The following ROBO2 variants were observed in gnomAD, a reference collection of about 807,000 sequenced individuals.
ROBO2 encodes roundabout homolog 2.
In ROBO2, 53 loss-of-function variants were observed where a neutral mutation model predicts 160.8. The observed-to-expected ratio is 0.33, with a 90% CI of 0.26 to 0.41. ROBO2 has a LOEUF of 0.41. Ranked by LOEUF, ROBO2 falls within the 10% of genes least tolerant of loss-of-function variation. The pLI, the probability that ROBO2 is intolerant of heterozygous loss-of-function variation, is 1.00. For missense variants in ROBO2, 1,577 were observed against 1,722.4 expected, an observed-to-expected ratio of 0.92 and a Z score of 1.49; for synonymous variants, 664 against 611.7, an observed-to-expected ratio of 1.09 and a Z score of -1.26.
At chr3:77,022,093 G>C (rs2062672047) in intron 2 of ROBO2, among the ~76,000 whole-genome samples, 1 of 152,256 alleles carries the variant, frequency 6.6e-6, no homozygotes, top group South Asian at 2.1e-4. Flanking sequence ...AAACAGACCA[G>C]GCATGGTGGC....
intron 2 of ROBO2, among the ~76,000 whole-genome samples, chr3:76,544,541 G>T (rs916983077): frequency 2.0e-4 from 30 of 151,774 alleles, no homozygotes; most frequent in Non-Finnish European, 2.5e-4. Context: ...TGCATCTATC[G>T]CTACACTTAT....
intron 2 of ROBO2, among the ~76,000 whole-genome samples, chr3:76,869,595 C>T (rs996091841): frequency 2.6e-5 from 4 of 151,896 alleles, no homozygotes; most frequent in South Asian, 2.1e-4. Flanking sequence ...GTGATCCGCC[C>T]GCCTCGGCCT....
intron 2 of ROBO2, among the ~76,000 whole-genome samples, chr3:76,063,514 TA>T (rs1187627584): frequency 1.1e-4 from 16 of 151,514 alleles, no homozygotes; most frequent in African/African-American, 3.9e-4. Context: ...TGACCAATTT[TA>T]TTTTTTTTTT....
At chr3:77,459,745 AT>A (rs1048616643) in intron 2 of ROBO2, among the ~76,000 whole-genome samples, 55 of 152,084 alleles carry the variant, frequency 3.6e-4, no homozygotes, top group African/African-American at 1.3e-3. Flanking sequence ...GAGAATAACA[AT>A]TCACAGGCCA....
At chr3:77,216,224 G>A (rs1325482590) in intron 2 of ROBO2, among the ~76,000 whole-genome samples, 3 of 152,226 alleles carry the variant, frequency 2.0e-5, no homozygotes, top group East Asian at 1.9e-4. Context: ...TGGGCTCCAC[G>A]CAGTTCGAAC....
At chr3:76,419,379 A>G (rs1212493062) in intron 2 of ROBO2, among the ~76,000 whole-genome samples, 1 of 152,206 alleles carries the variant, frequency 6.6e-6, no homozygotes, top group East Asian at 1.9e-4. Flanking sequence ...GTACACATGT[A>G]AATTAGATAA....
At chr3:76,416,280 T>C (rs1046142543) in intron 2 of ROBO2, among the ~76,000 whole-genome samples, 2 of 152,318 alleles carry the variant, frequency 1.3e-5, no homozygotes, top group South Asian at 2.1e-4. Context: ...CTTTGGCATG[T>C]TAGTTTTGTG....
At chr3:75,958,746 C>A (rs1948804171) in intron 2 of ROBO2, among the ~76,000 whole-genome samples, 1 of 151,712 alleles carries the variant, frequency 6.6e-6, no homozygotes, top group Admixed American at 6.6e-5. Context: ...ATCTTCATTA[C>A]AAATTCTTAT....
chr3:76,524,826 TAAAAAAAAAAAAA>T (rs58091252), intron 2 of ROBO2, among the ~76,000 whole-genome samples: 1,379 of 21,506 alleles, frequency 0.064, 11 homozygotes, highest in African/African-American at 0.19. Flanking sequence ...CTCTTATTCC[TAAAAAAAAAAAAA>T]AAAAAAAAAA....
chr3:76,647,438 T>C (rs1433865609), intron 2 of ROBO2, among the ~76,000 whole-genome samples: 1 of 152,090 alleles, frequency 6.6e-6, no homozygotes, highest in African/African-American at 2.4e-5. Context: ...AGTTCAAACG[T>C]CACAAAGCCG....
At chr3:77,383,931 G>T (rs1324223472) in intron 2 of ROBO2, among the ~76,000 whole-genome samples, 1 of 152,102 alleles carries the variant, frequency 6.6e-6, no homozygotes, top group African/African-American at 2.4e-5. Context: ...TGTGTTTAAG[G>T]AGGGAAGAGA....
At chr3:77,294,845 G>A (rs1166702354) in intron 2 of ROBO2, among the ~76,000 whole-genome samples, 4 of 150,984 alleles carry the variant, frequency 2.6e-5, no homozygotes, top group Non-Finnish European at 5.9e-5. Flanking sequence ...TGGTTAAACG[G>A]GAAGTTGAGG....
intron 2 of ROBO2, among the ~76,000 whole-genome samples, chr3:77,389,797 G>T (rs1462214436): frequency 6.6e-6 from 1 of 151,340 alleles, no homozygotes; most frequent in Non-Finnish European, 1.5e-5. Flanking sequence ...CATGACATTG[G>T]CTCACCCACT....
chr3:77,310,607 T>A (rs1289922844), intron 2 of ROBO2, among the ~76,000 whole-genome samples: 1 of 152,098 alleles, frequency 6.6e-6, no homozygotes, highest in Non-Finnish European at 1.5e-5. Flanking sequence ...TTCAGAAAAA[T>A]TGTGCATTTC....
At chr3:76,568,087 T>C (rs1371916086) in intron 2 of ROBO2, among the ~76,000 whole-genome samples, 1 of 151,812 alleles carries the variant, frequency 6.6e-6, no homozygotes, top group East Asian at 2.0e-4. Flanking sequence ...AGTGCTGGGA[T>C]TGCAGGCATA....
chr3:77,162,079 T>C (rs1222058764), intron 2 of ROBO2, among the ~76,000 whole-genome samples: 1 of 152,136 alleles, frequency 6.6e-6, no homozygotes, highest in Non-Finnish European at 1.5e-5. Flanking sequence ...GAGAGTTAAC[T>C]TATCATATTT....
chr3:76,402,001 A>T (rs2077851113), intron 2 of ROBO2, among the ~76,000 whole-genome samples: 1 of 151,552 alleles, frequency 6.6e-6, no homozygotes, highest in African/African-American at 2.4e-5. Context: ...TTTTAGTTTA[A>T]CACTAAGAAG....
intron 2 of ROBO2, among the ~76,000 whole-genome samples, chr3:76,597,493 G>A (rs543607001): frequency 1.3e-5 from 2 of 152,072 alleles, no homozygotes; most frequent in African/African-American, 4.8e-5. Flanking sequence ...TGAAAAATAA[G>A]CAAAGGAAAA....
chr3:76,274,702 G>A (rs571837622), intron 2 of ROBO2, among the ~76,000 whole-genome samples: 9 of 152,052 alleles, frequency 5.9e-5, no homozygotes, highest in African/African-American at 2.2e-4. Flanking sequence ...GCCGGGCATG[G>A]TGGCACGCAC....
Sources: gnomAD v4.1 joint callset for allele counts (sites outside exome capture counted in the v4.1 genomes callset) on GRCh38, gnomAD v4.1.1 for gene constraint, MANE v1.5 for transcripts, NCBI Gene and HGNC (gene_info 2026-07-23, HGNC 2026-07-21) for gene names.